SLC29A3: variants seen among roughly 807,000 people sequenced by gnomAD.
SLC29A3 encodes the protein solute carrier family 29 member 3.
Under a neutral mutation model 25.4 loss-of-function variants are expected in SLC29A3, and 18 were observed. The observed-to-expected ratio is 0.71, with a 90% CI of 0.49 to 1.05. The LOEUF (loss-of-function observed/expected upper bound fraction) is 1.05, where lower values mean the gene tolerates loss of function less well. Among genes scored for constraint, SLC29A3 ranks in the 50% least tolerant of loss-of-function variants. The pLI is 0.00. For missense variants in SLC29A3, 586 were observed against 609.0 expected, an observed-to-expected ratio of 0.96 and a Z score of 0.40; for synonymous variants, 258 against 267.1, an observed-to-expected ratio of 0.97 and a Z score of 0.33.
intron 3 of SLC29A3, among the ~76,000 whole-genome samples, chr10:71,346,836 AG>A (rs1846598736): frequency 6.6e-6 from 1 of 152,160 alleles, no homozygotes. Flanking sequence ...TTCTAGTGAG[AG>A]CCCTGTCTCT....
At chr10:71,344,522 AT>A (rs1367550101) in intron 3 of SLC29A3, among the ~76,000 whole-genome samples, 1 of 152,204 alleles carries the variant, frequency 6.6e-6, no homozygotes, top group Non-Finnish European at 1.5e-5. Context: ...TCGCTGTGAC[AT>A]TGTGGCAGCA....
chr10:71,366,568 C>G (rs1220097059), downstream of SLC29A3, among the ~76,000 whole-genome samples: 4 of 152,162 alleles, frequency 2.6e-5, no homozygotes, highest in Non-Finnish European at 5.9e-5. Flanking sequence ...CATGCTTATT[C>G]CTACATGCAT....
chr10:71,355,526 T>G (rs1318037234), intron 4 of SLC29A3, among the ~76,000 whole-genome samples: 3 of 152,138 alleles, frequency 2.0e-5, no homozygotes, highest in Non-Finnish European at 2.9e-5. Flanking sequence ...GTAGGTTCTG[T>G]GAGCTCATGG....
chr10:71,356,302 T>C (rs1846910143), intron 5 of SLC29A3, 59 bp downstream of exon 5: 1 of 1,592,068 alleles, frequency 6.3e-7, no homozygotes, highest in Non-Finnish European at 8.6e-7. Context: ...TAGCCATGCT[T>C]CTTTTTCTCA....
chr10:71,357,982 T>G (rs1846958480), intron 5 of SLC29A3, among the ~76,000 whole-genome samples: 1 of 152,254 alleles, frequency 6.6e-6, no homozygotes, highest in African/African-American at 2.4e-5. Flanking sequence ...AGCTATTTTT[T>G]GCAGTGGCAC....
chr10:71,339,153 G>A (rs890277547), intron 2 of SLC29A3, among the ~76,000 whole-genome samples: 1 of 152,224 alleles, frequency 6.6e-6, no homozygotes, highest in African/African-American at 2.4e-5. Context: ...CTGCTTATCT[G>A]TAAAATGAGA....
chr10:71,332,232 C>T (rs1214621592), intron 2 of SLC29A3, among the ~76,000 whole-genome samples: 2 of 148,288 alleles, frequency 1.3e-5, no homozygotes, highest in Non-Finnish European at 3.0e-5. Context: ...CCTGGGTTCA[C>T]TCTGCCTCCC....
At chr10:71,327,814 G>A (rs1181813306) in intron 2 of SLC29A3, among the ~76,000 whole-genome samples, 1 of 149,608 alleles carries the variant, frequency 6.7e-6, no homozygotes, top group Non-Finnish European at 1.5e-5. Context: ...AGGTGCCTGG[G>A]TTCTACACCT....
At chr10:71,353,790 G>C (rs1456970337) in intron 4 of SLC29A3, among the ~76,000 whole-genome samples, 1 of 152,140 alleles carries the variant, frequency 6.6e-6, no homozygotes, top group East Asian at 1.9e-4. Context: ...CATTTGTTTT[G>C]CGCTGGTGTT....
chr10:71,379,450 A>T, intron 4 of SLC29A3, among the ~76,000 whole-genome samples: 1 of 152,238 alleles, frequency 6.6e-6, no homozygotes, highest in Non-Finnish European at 1.5e-5. Flanking sequence ...ACAAGAGTGA[A>T]TCCCCTCTGC....
At chr10:71,342,893 A>T (rs1189546866) in intron 2 of SLC29A3, among the ~76,000 whole-genome samples, 1 of 152,218 alleles carries the variant, frequency 6.6e-6, no homozygotes, top group Non-Finnish European at 1.5e-5. Flanking sequence ...CAGGGTACAG[A>T]TTTCAAAGAC....
At chr10:71,341,064 G>A (rs912838878) in intron 2 of SLC29A3, among the ~76,000 whole-genome samples, 8 of 152,130 alleles carry the variant, frequency 5.3e-5, no homozygotes, top group East Asian at 3.9e-4. Flanking sequence ...AGAGGCGGGC[G>A]AACGATCTGT....
At chr10:71,358,451 T>C (rs1389275862) in intron 5 of SLC29A3, among the ~76,000 whole-genome samples, 1 of 152,154 alleles carries the variant, frequency 6.6e-6, no homozygotes, top group East Asian at 1.9e-4. Flanking sequence ...GGCTGCCCAG[T>C]CCTCCCCGCC....
chr10:71,348,028 C>T (rs1305075935), intron 3 of SLC29A3, among the ~76,000 whole-genome samples: 5 of 152,228 alleles, frequency 3.3e-5, no homozygotes, highest in Non-Finnish European at 2.9e-5. Context: ...CGGATGCTTC[C>T]AGCTGGACTT....
At chr10:71,324,630 A>G (rs970713151) in intron 2 of SLC29A3, among the ~76,000 whole-genome samples, 2 of 152,212 alleles carry the variant, frequency 1.3e-5, no homozygotes, top group East Asian at 1.9e-4. Context: ...AAAATGTACT[A>G]TTAGTGGAGT....
intron 2 of SLC29A3, among the ~76,000 whole-genome samples, chr10:71,328,180 G>A (rs926422739): frequency 3.3e-5 from 5 of 152,134 alleles, no homozygotes; most frequent in African/African-American, 7.2e-5. Flanking sequence ...CCTACAGCCC[G>A]ACTTAGTGTC....
intron 5 of SLC29A3, among the ~76,000 whole-genome samples, chr10:71,358,527 G>T (rs1436484520): frequency 1.3e-5 from 2 of 152,286 alleles, no homozygotes; most frequent in East Asian, 3.9e-4. Context: ...TGCTTCCTGT[G>T]CCCTGGCTGG....
downstream of SLC29A3, among the ~76,000 whole-genome samples, chr10:71,368,300 T>C (rs1847185700): frequency 6.6e-6 from 1 of 152,232 alleles, no homozygotes; most frequent in Admixed American, 6.5e-5. Flanking sequence ...TAAGCCCTAA[T>C]GTTGTATGCA....
At position 71,362,065 on chromosome 10, in the gene SLC29A3, A is replaced by G; in HGVS notation, c.885A>G (p.Thr295=). 1 of 1,611,360 alleles carries G rather than the reference A, an allele frequency of 6.2e-7. No individual in the cohort carries two copies. The highest frequency in any genetic ancestry group is 8.5e-7 in the Non-Finnish European group (1 of 1,179,388). The part of the protein sequence containing the change: ...SVASRFIDSH[T]PPLRPILKKT... ...CCTCCAGATTCATTGATTCCCACAC[A>G]CCCCCTCTCCGCCCCATCCTGAAGA... is the stretch of plus-strand genomic sequence containing the variant. Residue 295 remains threonine (T), a synonymous_variant, in exon 6 of 6, where the codon ACA becomes ACG. Coordinates refer to ENST00000373189, the MANE Select transcript of SLC29A3 (RefSeq NM_018344.6).
Sources: allele counts gnomAD v4.1 joint callset (sites outside exome capture counted in the v4.1 genomes callset), GRCh38; gene constraint gnomAD v4.1.1; transcripts MANE v1.5; gene names NCBI Gene and HGNC (gene_info 2026-07-23, HGNC 2026-07-21).